Variants in DCAF1 observed in about 807,000 individuals in gnomAD.
DCAF1 encodes the protein DDB1 and CUL4 associated factor 1, also known as DDB1- and CUL4-associated factor 1.
Under a neutral mutation model 128.0 loss-of-function variants are expected in DCAF1, and 15 were observed. The observed-to-expected ratio is 0.12, with a 90% confidence interval of 0.08 to 0.18. DCAF1 has a LOEUF of 0.18. Among genes scored for constraint, DCAF1 ranks in the 10% least tolerant of loss-of-function variants. The pLI, the probability that DCAF1 is intolerant of heterozygous loss-of-function variation, is 1.00. For synonymous variants in DCAF1, 610 were observed against 603.0 expected (o/e 1.01, Z -0.17); for missense variants, 988 against 1,649.5 (o/e 0.60, Z 6.95).
At chr3:51,497,677 T>C (rs1457180106) in intron 1 of DCAF1, among the ~76,000 whole-genome samples, 1 of 152,160 alleles carries the variant, frequency 6.6e-6, no homozygotes, top group Non-Finnish European at 1.5e-5. Flanking sequence ...GTCGGAAGGA[T>C]TGCTTGAGGT....
At chr3:51,395,980 TC>T (rs2089175576), downstream of DCAF1, 3 of 413,308 alleles carry the variant, frequency 7.3e-6, no homozygotes, top group Admixed American at 1.3e-4. Flanking sequence ...ACGCCACCAT[TC>T]CAGGGTAGCT....
chr3:51,471,292 T>A (rs1704716351), intron 3 of DCAF1, among the ~76,000 whole-genome samples: 1 of 151,402 alleles, frequency 6.6e-6, no homozygotes, highest in Non-Finnish European at 1.5e-5. Context: ...CATGCCATTC[T>A]CCTGCCTCAG....
chr3:51,493,308 G>A (rs974901062), intron 2 of DCAF1, among the ~76,000 whole-genome samples: 1 of 152,062 alleles, frequency 6.6e-6, no homozygotes, highest in Non-Finnish European at 1.5e-5. Flanking sequence ...AACCAGGCAT[G>A]GTGGCACATG....
chr3:51,484,781 CA>C (rs1482150687), intron 2 of DCAF1, among the ~76,000 whole-genome samples: 1 of 149,230 alleles, frequency 6.7e-6, no homozygotes, highest in Non-Finnish European at 1.5e-5. Flanking sequence ...CTCTCGGGTT[CA>C]AGCAATTCTC....
chr3:51,418,861 T>A lies in DCAF1; in HGVS notation c.3252A>T (p.Ser1084=). ...CATCTTCATTGGCTTCCCGGAACAC[T>A]GAAATAGGACGGAATCTAAGCAAAA... The part of the protein sequence containing the change: ...HLIFSRFRPI[S]VFREANEDES... Residue 1084 remains serine (S), a synonymous_variant, in exon 16 of 25, where the codon TCA becomes TCT. Coordinates refer to ENST00000684031, the MANE Select transcript of DCAF1 (RefSeq NM_001387579.1). 1 of 1,612,228 alleles carries A rather than the reference T, an allele frequency of 6.2e-7. No individual in the cohort carries two copies. The highest frequency in any genetic ancestry group is 1.1e-5 in the South Asian group (1 of 90,920).
chr3:51,408,994 G>T (rs146244927), intron 23 of DCAF1, among the ~76,000 whole-genome samples: 74 of 152,226 alleles, frequency 4.9e-4, no homozygotes, highest in Middle Eastern at 3.4e-3. Flanking sequence ...TACAGGCTGG[G>T]CTCCAGAGCC....
intron 9 of DCAF1, chr3:51,436,374 T>C (rs532569641): frequency 7.7e-6 from 4 of 520,136 alleles, no homozygotes; most frequent in South Asian, 5.6e-5. Flanking sequence ...CATTCAGATG[T>C]TGCTGCAGTT....
At chr3:51,415,620 C>T (rs948819330) in intron 18 of DCAF1, among the ~76,000 whole-genome samples, 11 of 152,158 alleles carry the variant, frequency 7.2e-5, no homozygotes, top group Admixed American at 5.2e-4. Flanking sequence ...CAGGGTCTCA[C>T]TTGGTTACTC....
chr3:51,419,701 A>T (rs1197677038), intron 15 of DCAF1, 33 bp downstream of exon 15: 1 of 1,557,370 alleles, frequency 6.4e-7, no homozygotes, highest in Non-Finnish European at 8.7e-7. Context: ...AATCATTCCA[A>T]TTCCCAGGGA....
intron 15 of DCAF1, 73 bp downstream of exon 15, chr3:51,419,661 T>G: frequency 6.6e-7 from 1 of 1,523,958 alleles, no homozygotes; most frequent in Non-Finnish European, 8.8e-7. Context: ...ACAACTATGC[T>G]GATACTGCCC....
At chr3:51,473,823 A>G (rs1234308459) in intron 3 of DCAF1, among the ~76,000 whole-genome samples, 5 of 149,984 alleles carry the variant, frequency 3.3e-5, no homozygotes, top group African/African-American at 1.2e-4. Context: ...TTTTTTTTTG[A>G]GATGGAGTCT....
chr3:51,423,026 C>T (rs1216821361), intron 13 of DCAF1, among the ~76,000 whole-genome samples: 1 of 151,796 alleles, frequency 6.6e-6, no homozygotes, highest in South Asian at 2.1e-4. Context: ...CGTGATTACA[C>T]CACTGCACTC....
intron 23 of DCAF1, among the ~76,000 whole-genome samples, chr3:51,408,449 G>A (rs1698101614): frequency 6.6e-6 from 1 of 152,144 alleles, no homozygotes; most frequent in Non-Finnish European, 1.5e-5. Flanking sequence ...ATCTAGACTA[G>A]GACAAAACTT....
chr3:51,412,595 T>C (rs1363539812), intron 22 of DCAF1, 115 bp from the exon 23 acceptor site: 12 of 1,498,582 alleles, frequency 8.0e-6, no homozygotes, highest in Non-Finnish European at 1.1e-5. Context: ...AAGCTTCTGA[T>C]ACCCGAAATT....
intron 23 of DCAF1, among the ~76,000 whole-genome samples, chr3:51,409,739 G>C (rs2107082323): frequency 6.6e-6 from 1 of 152,306 alleles, no homozygotes; most frequent in East Asian, 1.9e-4. Flanking sequence ...GATAGCTAAT[G>C]TGAAAAAGTA....
intron 6 of DCAF1, among the ~76,000 whole-genome samples, chr3:51,460,683 A>G (rs1292500007): frequency 5.9e-5 from 9 of 152,186 alleles, no homozygotes; most frequent in Admixed American, 5.9e-4. Context: ...ACAGTAACCA[A>G]AACAGCATGG....
At chr3:51,492,490 T>C (rs1178163005) in intron 2 of DCAF1, among the ~76,000 whole-genome samples, 2 of 151,812 alleles carry the variant, frequency 1.3e-5, no homozygotes, top group Admixed American at 1.3e-4. Flanking sequence ...CACACCGGCC[T>C]GGGCAAAAGG....
chr3:51,450,167 C>T, intron 6 of DCAF1, among the ~76,000 whole-genome samples: 1 of 152,118 alleles, frequency 6.6e-6, no homozygotes, highest in Admixed American at 6.6e-5. Flanking sequence ...GCAACAAAAC[C>T]AGACCCATCT....
intron 8 of DCAF1, 98 bp from the exon 9 acceptor site, chr3:51,441,169 C>T (rs1701325710): frequency 1.6e-6 from 2 of 1,225,622 alleles, no homozygotes; most frequent in Non-Finnish European, 2.3e-6. Context: ...AAATGATGCA[C>T]CTCTTCCTCC....
Sources: gnomAD v4.1 joint callset for allele counts (sites outside exome capture counted in the v4.1 genomes callset) on GRCh38, gnomAD v4.1.1 for gene constraint, MANE v1.5 for transcripts, NCBI Gene and HGNC (gene_info 2026-07-23, HGNC 2026-07-21) for gene names.